FSTL5: variants seen among roughly 807,000 people sequenced by gnomAD.
FSTL5 encodes the protein follistatin-related protein 5.
A neutral mutation model predicts 89.1 loss-of-function variants in FSTL5; 62 were observed. The observed-to-expected ratio is 0.70, with a 90% CI of 0.57 to 0.86. FSTL5 has a LOEUF of 0.86. Among genes scored for constraint, FSTL5 ranks in the 40% least tolerant of loss-of-function variants. FSTL5 has a pLI of 0.00. For missense variants in FSTL5, 1,057 were observed against 1,001.6 expected (o/e 1.06, Z -0.75); for synonymous variants, 383 against 346.2 (o/e 1.11, Z -1.18).
At chr4:161,656,600 G>T (rs534999376) in intron 6 of FSTL5, 106 bp from the exon 7 acceptor site, 3 of 590,626 alleles carry the variant, frequency 5.1e-6, no homozygotes, top group East Asian at 3.3e-5. Flanking sequence ...TTGAATAAAA[G>T]GGAAAAAAGC....
chr4:162,129,992 A>C (rs1238507613), intron 1 of FSTL5, among the ~76,000 whole-genome samples: 1 of 152,208 alleles, frequency 6.6e-6, no homozygotes, highest in Non-Finnish European at 1.5e-5. Context: ...TGAGATTACA[A>C]ATATAAAGCA....
intron 10 of FSTL5, among the ~76,000 whole-genome samples, chr4:161,513,277 GAGA>G (rs1448421194): frequency 1.5e-4 from 1 of 6,508 alleles, no homozygotes; most frequent in Non-Finnish European, 7.3e-4. Flanking sequence ...GAGGGGGAGA[GAGA>G]GAGAGAGAGA....
At chr4:161,629,798 G>A (rs985384418) in intron 7 of FSTL5, among the ~76,000 whole-genome samples, 4 of 152,166 alleles carry the variant, frequency 2.6e-5, no homozygotes, top group African/African-American at 9.7e-5. Flanking sequence ...ATACTCATGT[G>A]TGAACCTTTA....
intron 14 of FSTL5, 38 bp downstream of exon 14, chr4:161,459,174 A>C (rs758260213): frequency 8.5e-7 from 1 of 1,173,544 alleles, no homozygotes. Flanking sequence ...AAAGCTTTAA[A>C]GATTGTTATT....
intron 2 of FSTL5, among the ~76,000 whole-genome samples, chr4:162,096,727 ATG>A (rs1260310410): frequency 2.6e-5 from 4 of 152,066 alleles, no homozygotes; most frequent in Non-Finnish European, 5.9e-5. Context: ...TTGCTTAAGT[ATG>A]AACAAGTTTA....
At chr4:161,944,478 T>A (rs114108587) in intron 3 of FSTL5, among the ~76,000 whole-genome samples, 7 of 152,056 alleles carry the variant, frequency 4.6e-5, no homozygotes, top group African/African-American at 1.7e-4. Context: ...GAGTAACTGT[T>A]GGTTAATTAG....
At chr4:161,503,093 G>A (rs1432252508) in intron 11 of FSTL5, among the ~76,000 whole-genome samples, 1 of 151,642 alleles carries the variant, frequency 6.6e-6, no homozygotes, top group Admixed American at 6.6e-5. Context: ...CTTTTACCGT[G>A]AGAATGTTAG....
chr4:161,788,891 C>T (rs1215115144), intron 4 of FSTL5, among the ~76,000 whole-genome samples: 1 of 151,702 alleles, frequency 6.6e-6, no homozygotes, highest in African/African-American at 2.4e-5. Flanking sequence ...GTTCAAGACA[C>T]TGTCTCTAAA....
chr4:161,639,807 G>A (rs2126666726), intron 7 of FSTL5, among the ~76,000 whole-genome samples: 1 of 152,200 alleles, frequency 6.6e-6, no homozygotes, highest in South Asian at 2.1e-4. Flanking sequence ...TTGAAATATT[G>A]GGGATTTGTA....
intron 2 of FSTL5, among the ~76,000 whole-genome samples, chr4:162,068,101 A>G (rs111921087): frequency 0.04 from 6,054 of 152,236 alleles, 180 homozygotes; most frequent in East Asian, 0.11. Context: ...AAGAAGAATC[A>G]ATATCATGAA....
At chr4:161,798,165 A>G (rs1486531107) in intron 4 of FSTL5, among the ~76,000 whole-genome samples, 1 of 151,770 alleles carries the variant, frequency 6.6e-6, no homozygotes, top group East Asian at 1.9e-4. Context: ...ATAGGTTCAT[A>G]GATTTAAGAA....
chr4:162,000,680 A>G (rs1394332515), intron 3 of FSTL5, among the ~76,000 whole-genome samples: 1 of 152,148 alleles, frequency 6.6e-6, no homozygotes, highest in Admixed American at 6.6e-5. Context: ...TAAAACTCAG[A>G]TAATTGTGCA....
At chr4:161,922,950 T>C (rs547367359) in intron 3 of FSTL5, among the ~76,000 whole-genome samples, 1 of 152,092 alleles carries the variant, frequency 6.6e-6, no homozygotes, top group East Asian at 1.9e-4. Flanking sequence ...TGTCTCTGTA[T>C]TTTGAGTTCC....
At chr4:161,732,697 G>A (rs1261453537) in intron 6 of FSTL5, among the ~76,000 whole-genome samples, 3 of 151,838 alleles carry the variant, frequency 2.0e-5, no homozygotes, top group African/African-American at 7.3e-5. Flanking sequence ...ATTAAAGTGT[G>A]TTTGTTTATT....
chr4:161,457,491 C>G (rs1733398539), intron 14 of FSTL5, among the ~76,000 whole-genome samples: 1 of 152,002 alleles, frequency 6.6e-6, no homozygotes, highest in African/African-American at 2.4e-5. Flanking sequence ...TTTCTGTGTA[C>G]AATGTCAAAG....
intron 4 of FSTL5, among the ~76,000 whole-genome samples, chr4:161,868,269 C>T (rs1029075059): frequency 6.6e-6 from 1 of 152,074 alleles, no homozygotes; most frequent in Admixed American, 6.6e-5. Context: ...TCTCTTGAGC[C>T]TTTCCTCTTT....
intron 11 of FSTL5, among the ~76,000 whole-genome samples, chr4:161,508,552 A>G (rs1730553342): frequency 6.6e-6 from 1 of 152,168 alleles, no homozygotes; most frequent in South Asian, 2.1e-4. Context: ...ATTTCCAAAA[A>G]CTAACAGAAT....
intron 6 of FSTL5, among the ~76,000 whole-genome samples, chr4:161,704,531 T>C (rs1312485270): frequency 6.6e-6 from 1 of 152,138 alleles, no homozygotes; most frequent in Non-Finnish European, 1.5e-5. Context: ...TTACCAGTTC[T>C]TGTCAAAGTT....
chr4:161,734,046 C>A (rs1739708352), intron 6 of FSTL5, among the ~76,000 whole-genome samples: 1 of 151,972 alleles, frequency 6.6e-6, no homozygotes, highest in Non-Finnish European at 1.5e-5. Flanking sequence ...CGTATTTAAT[C>A]TGTTTACTAA....
Sources: allele counts gnomAD v4.1 joint callset (sites outside exome capture counted in the v4.1 genomes callset), GRCh38; gene constraint gnomAD v4.1.1; transcripts MANE v1.5; gene names NCBI Gene and HGNC (gene_info 2026-07-23, HGNC 2026-07-21).